EFCAB14: variants seen among roughly 807,000 people sequenced by gnomAD.
EFCAB14 encodes EF-hand calcium binding domain 14.
A neutral mutation model predicts 56.5 loss-of-function variants in EFCAB14; 43 were observed. The ratio of observed to expected loss-of-function variants is 0.76; its 90% CI spans 0.60 to 0.98. The LOEUF (loss-of-function observed/expected upper bound fraction) is 0.98. Ranked by LOEUF, EFCAB14 falls within the 50% of genes least tolerant of loss-of-function variation. The pLI, the probability that EFCAB14 is intolerant of heterozygous loss-of-function variation, is 0.00. For missense variants in EFCAB14, 538 were observed against 580.3 expected (o/e 0.93, Z 0.75); for synonymous variants, 235 against 212.9 (o/e 1.10, Z -0.90).
chr1:46,694,532 C>T (rs1481912094), intron 4 of EFCAB14, among the ~76,000 whole-genome samples: 1 of 152,178 alleles, frequency 6.6e-6, no homozygotes, highest in Non-Finnish European at 1.5e-5. Flanking sequence ...CAATGAGATA[C>T]CATCTCACAC....
At position 46,716,323 on chromosome 1, in the gene EFCAB14, C is replaced by T; in HGVS notation, c.306G>A (p.Leu102=). The T allele has an allele frequency of 6.2e-7, 1 of 1,611,370 alleles. No individual in the cohort carries two copies. Among genetic ancestry groups the T allele is most frequent in the East Asian group, 2.2e-5 (1 of 44,748 alleles). Residue 102 remains leucine (L), a synonymous_variant, in exon 2 of 11, where the codon CTG becomes CTA. Transcript: ENST00000371933. ...VWMQVALKED[L]DALKEKFRTM... ...TTCGAAATTTTTCCTTGAGGGCATC[C>T]AGATCCTCCTTGAGAGCAACCTGCA...
intron 3 of EFCAB14, among the ~76,000 whole-genome samples, chr1:46,705,484 T>C (rs1275717243): frequency 6.6e-6 from 1 of 152,224 alleles, no homozygotes; most frequent in East Asian, 1.9e-4. Flanking sequence ...CCACTGTCTG[T>C]TTGCATGTTC....
At chr1:46,703,883 T>C (rs779178098) in intron 3 of EFCAB14, among the ~76,000 whole-genome samples, 3 of 152,186 alleles carry the variant, frequency 2.0e-5, no homozygotes, top group Middle Eastern at 3.2e-3. Context: ...AGATTACAAA[T>C]AAATTTACCA....
rs114965988 is a variant in EFCAB14, at chr1:46,688,585, C to T, written c.796-41G>A. 1,038 of 1,570,854 alleles carry T rather than the reference C, an allele frequency of 6.6e-4. 7 individuals are homozygous for T. The African/African-American group carries it at 0.011, about 17-fold the overall frequency. On this transcript the variant is annotated intron_variant, in intron 6 of 10. Transcript: ENST00000371933. ...ATAAAGTTATGGAATCCACTAAAGA[C>T]GTAAATTAGACAAGCAGGCCAGCAG...
intron 3 of EFCAB14, among the ~76,000 whole-genome samples, chr1:46,702,304 A>G (rs1367873241): frequency 2.0e-5 from 3 of 152,226 alleles, no homozygotes; most frequent in African/African-American, 7.2e-5. Context: ...AAAAGTTATT[A>G]AAACAGACAA....
rs1011075553 is a variant in EFCAB14 at position 46,718,296 on chromosome 1, G to A, written c.-209C>T. The A allele has an allele frequency of 9.6e-6, 5 of 521,634 alleles. No individual in the cohort carries two copies. The highest frequency in any genetic ancestry group is 5.7e-5 in the African/African-American group (3 of 52,782). The allele number at this position is 521,634 out of a possible 1,614,324, so 32.3% of individuals were successfully genotyped here. On this transcript the variant is annotated 5_prime_UTR_variant, in exon 1 of 11. Coordinates refer to ENST00000371933, the MANE Select transcript of EFCAB14 (RefSeq NM_014774.3). ...AGGAAACTGGAACTCAGATGGGTGGGGGAAATCACATAGAAATGGCCAAGG... is the reference window on the plus strand; with the variant it reads ...AGGAAACTGGAACTCAGATGGGTGGAGGAAATCACATAGAAATGGCCAAGG...
intron 2 of EFCAB14, among the ~76,000 whole-genome samples, chr1:46,709,550 C>A (rs941582605): frequency 3.3e-5 from 5 of 152,188 alleles, no homozygotes; most frequent in Non-Finnish European, 5.9e-5. Flanking sequence ...AGGACAAAGA[C>A]TAGATCTAAC....
intron 3 of EFCAB14, among the ~76,000 whole-genome samples, chr1:46,697,710 G>T (rs889468154): frequency 2.0e-5 from 3 of 152,304 alleles, no homozygotes; most frequent in African/African-American, 7.2e-5. Flanking sequence ...TGCAGTCATT[G>T]TGGAGACAGC....
intron 4 of EFCAB14, 189 bp from the exon 5 acceptor site, chr1:46,692,126 C>T (rs566483102): frequency 6.6e-6 from 3 of 451,678 alleles, no homozygotes; most frequent in African/African-American, 2.0e-5. Flanking sequence ...TGTAATCACT[C>T]CCTTGCCGAT....
intron 3 of EFCAB14, among the ~76,000 whole-genome samples, chr1:46,697,053 T>C (rs1305552519): frequency 2.0e-5 from 3 of 152,222 alleles, no homozygotes; most frequent in African/African-American, 7.2e-5. Context: ...AATACCTCAG[T>C]AATTTACCAA....
intron 4 of EFCAB14, among the ~76,000 whole-genome samples, chr1:46,695,670 C>G (rs2148844996): frequency 6.6e-6 from 1 of 152,232 alleles, no homozygotes; most frequent in Admixed American, 6.5e-5. Context: ...AATTAGGCAC[C>G]TCTTCTGCCT....
At chr1:46,712,353 T>C (rs1451818238) in intron 2 of EFCAB14, among the ~76,000 whole-genome samples, 2 of 152,284 alleles carry the variant, frequency 1.3e-5, no homozygotes, top group East Asian at 1.9e-4. Flanking sequence ...AAAAGGATGG[T>C]TGAGAATAGA....
chr1:46,691,767 A>G, intron 5 of EFCAB14, 60 bp downstream of exon 5: 1 of 1,301,778 alleles, frequency 7.7e-7, no homozygotes, highest in Non-Finnish European at 1.1e-6. Context: ...AAAGTTGGCA[A>G]CATGACTCTT....
rs751526732 is a variant in EFCAB14 at position 46,716,343 on chromosome 1, C to T, written c.286G>A (p.Val96Ile). The T allele has an allele frequency of 3.7e-6, 6 of 1,613,202 alleles. No individual in the cohort carries two copies. The highest frequency in any genetic ancestry group is 1.7e-5 in the Admixed American group (1 of 59,902). The part of the protein sequence containing the change: ...VACVGLVWMQ[V>I]ALKEDLDALK... ...GCATCCAGATCCTCCTTGAGAGCAA[C>T]CTGCATCCACACCAAGCCAACACAG... Residue 96 changes from valine (V) to isoleucine (I), a missense_variant, in exon 2 of 11, where the codon GTT (valine) becomes ATT (isoleucine). Transcript: ENST00000371933.
intron 4 of EFCAB14, among the ~76,000 whole-genome samples, chr1:46,693,991 T>G (rs1677038234): frequency 6.6e-6 from 1 of 152,242 alleles, no homozygotes; most frequent in Admixed American, 6.5e-5. Flanking sequence ...GATTCCCTAT[T>G]TAATAAATGG....
chr1:46,693,623 A>G (rs1427461582), intron 4 of EFCAB14, among the ~76,000 whole-genome samples: 2 of 152,210 alleles, frequency 1.3e-5, no homozygotes, highest in East Asian at 1.9e-4. Flanking sequence ...TGTGAATCCA[A>G]TCCTCACTGG....
At chr1:46,680,723 G>A (rs1299924792) in intron 10 of EFCAB14, among the ~76,000 whole-genome samples, 2 of 152,178 alleles carry the variant, frequency 1.3e-5, no homozygotes, top group African/African-American at 4.8e-5. Context: ...TTAAAAAGGT[G>A]AATGTTATGG....
In EFCAB14 at chr1:46,717,976, C is replaced by A; in HGVS notation, c.112G>T (p.Asp38Tyr). ...SHRLLRTEPP[D>Y]SDSESSSEEE... ...TCGGAGCTGGACTCAGAGTCTGAGT[C>A]GGGAGGCTCAGTGCGAAGCAGGCGG... The change falls in exon 1 of 11, where the codon GAC becomes TAC. Residue 38 changes from aspartate to tyrosine, a missense_variant. Coordinates refer to ENST00000371933, the MANE Select transcript of EFCAB14 (RefSeq NM_014774.3). The A allele has an allele frequency of 6.2e-7, 1 of 1,614,184 alleles. No individual in the cohort carries two copies. Among genetic ancestry groups the A allele is most frequent in the Non-Finnish European group, 8.5e-7 (1 of 1,180,024 alleles).
intron 6 of EFCAB14, among the ~76,000 whole-genome samples, chr1:46,689,282 G>T (rs1676939760): frequency 1.3e-5 from 2 of 152,068 alleles, no homozygotes. Flanking sequence ...TCTTTAACCT[G>T]CCCAGATAGC....
Sources: allele counts gnomAD v4.1 joint callset (sites outside exome capture counted in the v4.1 genomes callset), GRCh38; gene constraint gnomAD v4.1.1; transcripts MANE v1.5; gene names NCBI Gene and HGNC (gene_info 2026-07-23, HGNC 2026-07-21).